The following RUSC2 variants were observed in gnomAD, a reference collection of about 807,000 sequenced individuals.
RUSC2 encodes AP-4 complex accessory subunit RUSC2.
Under a neutral mutation model 122.2 loss-of-function variants are expected in RUSC2, and 34 were observed. The ratio of observed to expected loss-of-function variants is 0.28; its 90% CI spans 0.21 to 0.37. RUSC2 has a LOEUF of 0.37. Ranked by LOEUF, RUSC2 falls within the 10% of genes least tolerant of loss-of-function variation. RUSC2 has a pLI of 1.00. For synonymous variants in RUSC2, 784 were observed against 790.0 expected, an observed-to-expected ratio of 0.99 and a Z score of 0.13; for missense variants, 1,747 against 1,952.4, an observed-to-expected ratio of 0.89 and a Z score of 1.98.
intron 1 of RUSC2, among the ~76,000 whole-genome samples, chr9:35,527,486 T>C (rs1169216821): frequency 6.6e-6 from 1 of 152,210 alleles, no homozygotes; most frequent in Non-Finnish European, 1.5e-5. Context: ...TTAATAATTA[T>C]GTTTCTAACT....
chr9:35,547,523 T>C lies in RUSC2; in HGVS notation c.1002T>C (p.Ser334=), dbSNP rs764354028. The change falls in exon 2 of 12, where the codon TCT becomes TCC. Residue 334 remains serine (S), a synonymous_variant. Coordinates refer to ENST00000361226, the MANE Select transcript of RUSC2 (RefSeq NM_014806.5). The surrounding 1 kb of genome is among the most constrained non-coding windows in gnomAD (Gnocchi z 4.6). ...LQPSPFESKM[S]YESHHPESGG... Reference sequence around the variant, plus strand: ...CCTCCCCATTTGAGTCTAAGATGTCTTATGAGTCCCATCACCCTGAAAGTG... The same window carrying C: ...CCTCCCCATTTGAGTCTAAGATGTCCTATGAGTCCCATCACCCTGAAAGTG... 1.2e-6 allele frequency: 2 copies of C among 1,614,152 alleles called. No homozygotes were observed. Among genetic ancestry groups the C allele is most frequent in the Admixed American group, 3.3e-5 (2 of 60,018 alleles).
chr9:35,521,947 A>G (rs978913118), intron 1 of RUSC2, among the ~76,000 whole-genome samples: 1 of 152,256 alleles, frequency 6.6e-6, no homozygotes, highest in Non-Finnish European at 1.5e-5. Flanking sequence ...TCCTGATGCC[A>G]TAGCCAGGTG....
chr9:35,535,351 G>C (rs963222097), intron 1 of RUSC2, among the ~76,000 whole-genome samples: 2 of 151,398 alleles, frequency 1.3e-5, no homozygotes, highest in African/African-American at 4.9e-5. Context: ...CCTGACCTCA[G>C]GTGATCTGCC....
intron 1 of RUSC2, among the ~76,000 whole-genome samples, chr9:35,525,295 A>C (rs987184870): frequency 6.6e-6 from 1 of 152,204 alleles, no homozygotes; most frequent in African/African-American, 2.4e-5. Flanking sequence ...CTCAGTTTTC[A>C]GATTGGCCTC....
intron 1 of RUSC2, among the ~76,000 whole-genome samples, chr9:35,495,051 A>AATATATACTATAGTATATATT (rs1820661076): frequency 1.9e-4 from 4 of 20,806 alleles, no homozygotes; most frequent in East Asian, 1.6e-3. Context: ...TAGTATATAT[A>AATATATACTATAGTATATATT]ATATATACTA....
At chr9:35,499,174 C>T (rs1820775358) in intron 1 of RUSC2, among the ~76,000 whole-genome samples, 1 of 152,014 alleles carries the variant, frequency 6.6e-6, no homozygotes, top group African/African-American at 2.4e-5. Flanking sequence ...GTAATCCCAG[C>T]TACTTGGGAG....
At chr9:35,515,999 CA>C (rs544797957) in intron 1 of RUSC2, among the ~76,000 whole-genome samples, 929 of 47,180 alleles carry the variant, frequency 0.02, 6 homozygotes, top group African/African-American at 0.065. Flanking sequence ...ATTCTTGTCT[CA>C]AAAAAAAAAA....
In RUSC2 at chr9:35,557,915, G is replaced by T. The variant is rs985903328; in HGVS notation, c.2985G>T (p.Gly995=). ...AISIDLLQKK[G]LVKAVNIAVD... is the part of the protein sequence containing the mutation. Reference sequence around the variant, plus strand: ...GTCACATCACATTCTTCCCTGCAGGGCTGGTAAAAGCTGTTAACATCGCTG... The same window carrying T: ...GTCACATCACATTCTTCCCTGCAGGTCTGGTAAAAGCTGTTAACATCGCTG... Residue 995 remains glycine, a splice_region_variant and synonymous_variant, in exon 6 of 12, where the codon GGG becomes GGT. Transcript: ENST00000361226. This position sits in a 1 kb window ranked among gnomAD's most constrained non-coding sequence, Gnocchi z 4.6. 6.2e-7 allele frequency: 1 copy of T among 1,614,142 alleles called. No homozygotes were observed. The highest frequency in any genetic ancestry group is 1.3e-5 in the African/African-American group (1 of 75,050).
intron 1 of RUSC2, among the ~76,000 whole-genome samples, chr9:35,530,038 G>C (rs1287470612): frequency 6.6e-6 from 1 of 152,150 alleles, no homozygotes; most frequent in Non-Finnish European, 1.5e-5. Flanking sequence ...CGCAACCTCT[G>C]CTTCCCGGCC....
chr9:35,544,816 A>G (rs1395454515), intron 1 of RUSC2, among the ~76,000 whole-genome samples: 2 of 152,118 alleles, frequency 1.3e-5, no homozygotes, highest in East Asian at 3.8e-4. Flanking sequence ...TTGGTGTCAT[A>G]TCTAAGAAAC....
chr9:35,490,984 C>A (rs1278840528), intron 1 of RUSC2, among the ~76,000 whole-genome samples: 1 of 151,638 alleles, frequency 6.6e-6, no homozygotes, highest in Admixed American at 6.6e-5. Flanking sequence ...TTGTCCTTTG[C>A]GTTTTGAACA....
At chr9:35,533,285 AAGAG>A (rs1212741513) in intron 1 of RUSC2, among the ~76,000 whole-genome samples, 8 of 151,674 alleles carry the variant, frequency 5.3e-5, no homozygotes, top group Non-Finnish European at 1.2e-4. Flanking sequence ...TGAAAAAAGA[AAGAG>A]AGGACTATCT....
At position 35,537,264 on chromosome 9, in the gene RUSC2, G is replaced by A. The variant is rs572200875; in HGVS notation, c.-92-9166G>A. 7.9e-5 allele frequency among the ~76,000 whole-genome samples: 12 copies of A among 152,290 alleles called. No individual in the cohort carries two copies. The South Asian group carries it at 1.2e-3, about 16-fold the overall frequency. ...GAAATTTCAGAGTCAAAGACCCTGG[G>A]CCCAGAGCTCTCATGGTAAGAGGCT... On this transcript the variant is annotated intron_variant, in intron 1 of 11. Transcript: ENST00000361226.
chr9:35,548,050 G>A lies in RUSC2; in HGVS notation c.1529G>A (p.Arg510His), dbSNP rs375895463. 3.0e-5 allele frequency: 49 copies of A among 1,613,518 alleles called. No individual in the cohort carries two copies. The East Asian group carries it at 6.5e-4, about 21-fold the overall frequency. ...AGCCTGCAGCGCAGCCCTCCTGTCCGCCTGGGCTCGCTGGAACGTATGTTG... is the reference window on the plus strand; with the variant it reads ...AGCCTGCAGCGCAGCCCTCCTGTCCACCTGGGCTCGCTGGAACGTATGTTG... ...DRSLQRSPPV[R>H]LGSLERMLSC... Residue 510 changes from arginine (R) to histidine (H), a missense_variant, in exon 2 of 12, where the codon CGC becomes CAC. Coordinates refer to ENST00000361226, the MANE Select transcript of RUSC2 (RefSeq NM_014806.5). This position sits in a 1 kb window ranked among gnomAD's most constrained non-coding sequence, Gnocchi z 4.5.
In RUSC2 at chr9:35,543,204, T is replaced by A. The variant is rs560903115; in HGVS notation, c.-92-3226T>A. Among the ~76,000 whole-genome samples the A allele has an allele frequency of 4.6e-5, 7 of 152,298 alleles. No homozygotes were observed. In the South Asian group the frequency reaches 1.5e-3, roughly 32 times the overall value. Reference sequence around the variant, plus strand: ...ACTTTGGAAGGCCAAGGCAGGTGGATAACTTGAGCCCAAGAGTTCAAGACC... The same window carrying A: ...ACTTTGGAAGGCCAAGGCAGGTGGAAAACTTGAGCCCAAGAGTTCAAGACC... On this transcript the variant is annotated intron_variant, in intron 1 of 11. Coordinates refer to ENST00000361226, the MANE Select transcript of RUSC2 (RefSeq NM_014806.5).
At chr9:35,534,811 CTT>C (rs1821491068) in intron 1 of RUSC2, among the ~76,000 whole-genome samples, 1 of 152,072 alleles carries the variant, frequency 6.6e-6, no homozygotes, top group African/African-American at 2.4e-5. Flanking sequence ...ATTGGATTGT[CTT>C]TTTATTACTG....
chr9:35,533,792 G>A (rs1821470356), intron 1 of RUSC2, among the ~76,000 whole-genome samples: 1 of 152,170 alleles, frequency 6.6e-6, no homozygotes, highest in Non-Finnish European at 1.5e-5. Context: ...GCATTTATCA[G>A]GACTTCATTC....
chr9:35,498,625 G>A (rs942517220), intron 1 of RUSC2, among the ~76,000 whole-genome samples: 13 of 151,848 alleles, frequency 8.6e-5, no homozygotes, highest in African/African-American at 2.9e-4. Flanking sequence ...TTAGGAGGCC[G>A]AGGTGGGTGG....
chr9:35,507,378 C>T (rs536548616), intron 1 of RUSC2, among the ~76,000 whole-genome samples: 6 of 152,178 alleles, frequency 3.9e-5, no homozygotes, highest in Non-Finnish European at 5.9e-5. Context: ...AATAAAACTT[C>T]ACTGATACTA....
Sources: gnomAD v4.1 joint callset for allele counts (sites outside exome capture counted in the v4.1 genomes callset) on GRCh38, gnomAD v4.1.1 for gene constraint, Gnocchi (gnomAD v3.1) non-coding constraint, MANE v1.5 for transcripts, NCBI Gene and HGNC (gene_info 2026-07-23, HGNC 2026-07-21) for gene names.